CNTNAP5: variants seen among roughly 807,000 people sequenced by gnomAD.
CNTNAP5 encodes the protein contactin associated protein family member 5.
CNTNAP5 carries 72 observed loss-of-function variants against 150.2 expected under a neutral mutation model. The observed-to-expected ratio is 0.48, with a 90% CI of 0.40 to 0.58. The LOEUF (loss-of-function observed/expected upper bound fraction) is 0.58. Among genes scored for constraint, CNTNAP5 ranks in the 20% least tolerant of loss-of-function variants. The pLI is 0.00. For synonymous variants in CNTNAP5, 672 were observed against 619.8 expected (o/e 1.08, Z -1.25); for missense variants, 1,636 against 1,626.2 (o/e 1.01, Z -0.10).
At chr2:124,207,356 G>C (rs1405002802) in intron 1 of CNTNAP5, among the ~76,000 whole-genome samples, 2 of 152,196 alleles carry the variant, frequency 1.3e-5, no homozygotes, top group African/African-American at 4.8e-5. Flanking sequence ...AAGCTGTGCT[G>C]TCATCAAAGC....
intron 1 of CNTNAP5, among the ~76,000 whole-genome samples, chr2:124,115,282 T>C (rs1683398154): frequency 6.6e-6 from 1 of 152,222 alleles, no homozygotes; most frequent in Admixed American, 6.6e-5. Context: ...TATTAGATCA[T>C]AGCAATCTCA....
At chr2:124,116,780 G>A (rs2104711718) in intron 1 of CNTNAP5, among the ~76,000 whole-genome samples, 1 of 152,294 alleles carries the variant, frequency 6.6e-6, no homozygotes, top group Admixed American at 6.5e-5. Context: ...CCTTCATGAG[G>A]AAGATCCTCT....
At chr2:124,256,930 T>C (rs1198682110) in intron 3 of CNTNAP5, among the ~76,000 whole-genome samples, 1 of 152,086 alleles carries the variant, frequency 6.6e-6, no homozygotes, top group South Asian at 2.1e-4. Flanking sequence ...AAAGGCAAAA[T>C]CATTCTGAAA....
intron 1 of CNTNAP5, among the ~76,000 whole-genome samples, chr2:124,125,906 T>G (rs1683685386): frequency 6.6e-6 from 1 of 152,252 alleles, no homozygotes; most frequent in East Asian, 1.9e-4. Flanking sequence ...TGGGACACAT[T>G]TAAAGCAGTA....
At chr2:124,760,839 T>C (rs896704066) in intron 14 of CNTNAP5, among the ~76,000 whole-genome samples, 2 of 152,178 alleles carry the variant, frequency 1.3e-5, no homozygotes, top group Admixed American at 6.6e-5. Context: ...GTGTTCATTG[T>C]TTTGTATGCA....
intron 13 of CNTNAP5, among the ~76,000 whole-genome samples, chr2:124,655,998 A>AGAAAGAAAG (rs70996089): frequency 2.3e-5 from 3 of 131,756 alleles, no homozygotes; most frequent in South Asian, 2.5e-4. Flanking sequence ...AAAGAAAGAA[A>AGAAAGAAAG]AAAGGAAGGA....
intron 3 of CNTNAP5, among the ~76,000 whole-genome samples, chr2:124,358,609 C>T (rs1438110715): frequency 3.3e-5 from 5 of 152,122 alleles, no homozygotes; most frequent in South Asian, 4.1e-4. Context: ...ATTACATTTA[C>T]TGATTTGCAT....
chr2:124,578,298 C>T lies in CNTNAP5; in HGVS notation c.1756+14975C>T, dbSNP rs545013963. Among the ~76,000 whole-genome samples the T allele has an allele frequency of 2.5e-4, 38 of 149,788 alleles. 1 individual carries two copies. Among genetic ancestry groups the T allele is most frequent in the Non-Finnish European group, 4.7e-4 (32 of 67,620 alleles). ...TGAGCTGAGATGGAACCACTGCACT[C>T]CAGTCTGGGGGACAAGAGCGAGACT... On this transcript the variant is annotated intron_variant, in intron 11 of 23. Transcript: ENST00000682447.
intron 13 of CNTNAP5, among the ~76,000 whole-genome samples, chr2:124,662,438 G>T (rs1389264885): frequency 6.6e-6 from 1 of 152,142 alleles, no homozygotes; most frequent in African/African-American, 2.4e-5. Flanking sequence ...TTGTACATGA[G>T]ATCTGTTGTT....
intron 11 of CNTNAP5, among the ~76,000 whole-genome samples, chr2:124,568,768 G>A (rs10209719): frequency 0.016 from 2,479 of 152,230 alleles, 66 homozygotes; most frequent in African/African-American, 0.056. Flanking sequence ...TTTTCTGGCC[G>A]GGCGCGGTGG....
chr2:124,296,054 C>T (rs1255226412), intron 3 of CNTNAP5, among the ~76,000 whole-genome samples: 1 of 147,612 alleles, frequency 6.8e-6, no homozygotes, highest in Non-Finnish European at 1.5e-5. Context: ...GTACCTTTCC[C>T]TTCTATTCAT....
intron 3 of CNTNAP5, among the ~76,000 whole-genome samples, chr2:124,318,638 T>C (rs1394927059): frequency 2.0e-5 from 3 of 152,216 alleles, no homozygotes; most frequent in Admixed American, 6.5e-5. Context: ...TTTCAGATCA[T>C]GTCTGAGAAT....
chr2:124,503,471 C>T (rs1000395779), intron 7 of CNTNAP5, among the ~76,000 whole-genome samples: 7 of 152,130 alleles, frequency 4.6e-5, no homozygotes, highest in Non-Finnish European at 1.0e-4. Context: ...TTTTGCTATG[C>T]AAAGAATAAT....
chr2:124,490,731 C>T (rs1271089992), intron 7 of CNTNAP5, among the ~76,000 whole-genome samples: 2 of 151,824 alleles, frequency 1.3e-5, no homozygotes, highest in African/African-American at 4.8e-5. Context: ...ATTTTTAAGA[C>T]TTCATATAAA....
chr2:124,805,023 G>A (rs926377789), intron 19 of CNTNAP5, among the ~76,000 whole-genome samples: 8 of 151,144 alleles, frequency 5.3e-5, no homozygotes, highest in African/African-American at 2.0e-4. Context: ...CTCTTTGTAT[G>A]AAATACTCTT....
chr2:124,026,163 C>T (rs945463400), intron 1 of CNTNAP5, among the ~76,000 whole-genome samples: 5 of 152,130 alleles, frequency 3.3e-5, no homozygotes, highest in African/African-American at 1.2e-4. Flanking sequence ...CTCGGATTTG[C>T]AGTATACCAA....
chr2:124,771,998 CCAT>C (rs1191804690), intron 16 of CNTNAP5, among the ~76,000 whole-genome samples: 2 of 151,636 alleles, frequency 1.3e-5, no homozygotes, highest in Non-Finnish European at 2.9e-5. Flanking sequence ...ACCACCACCA[CCAT>C]CACCATCATC....
chr2:124,386,937 C>T (rs1020800856), intron 3 of CNTNAP5, among the ~76,000 whole-genome samples: 1 of 152,120 alleles, frequency 6.6e-6, no homozygotes, highest in Non-Finnish European at 1.5e-5. Context: ...GATTAATGCT[C>T]TTATAATCAG....
chr2:124,915,046 A>C lies in CNTNAP5; in HGVS notation c.*758A>C, dbSNP rs1678735152. ...ACTAGGAGGTAACAAGAAAGCTTCTAGGAAGTAGATGTTCCATATCTTCAA... is the reference window on the plus strand; with the variant it reads ...ACTAGGAGGTAACAAGAAAGCTTCTCGGAAGTAGATGTTCCATATCTTCAA... On this transcript the variant is annotated 3_prime_UTR_variant, in exon 24 of 24. Coordinates refer to ENST00000682447, the MANE Select transcript of CNTNAP5 (RefSeq NM_001367498.1). The C allele has an allele frequency of 6.4e-6, 1 of 157,350 alleles. No individual in the cohort carries two copies. The highest frequency in any genetic ancestry group is 2.4e-5 in the African/African-American group (1 of 41,408). 9.7% of individuals were successfully genotyped at this position (157,350 alleles called of 1,614,324 possible).
Sources: gnomAD v4.1 joint callset for allele counts (sites outside exome capture counted in the v4.1 genomes callset) on GRCh38, gnomAD v4.1.1 for gene constraint, MANE v1.5 for transcripts, NCBI Gene and HGNC (gene_info 2026-07-23, HGNC 2026-07-21) for gene names.